The following SETD3 variants were observed in gnomAD, a reference collection of about 807,000 sequenced individuals.
The protein encoded by SETD3 is SET domain containing 3, actin N3(tau)-histidine methyltransferase, also known as actin-histidine N-methyltransferase.
SETD3 carries 19 observed loss-of-function variants against 63.0 expected under a neutral mutation model. The observed-to-expected ratio is 0.30, with a 90% CI of 0.21 to 0.44. The LOEUF (loss-of-function observed/expected upper bound fraction) is 0.44, where lower values mean the gene tolerates loss of function less well. Ranked by LOEUF, SETD3 falls within the 20% of genes least tolerant of loss-of-function variation. SETD3 has a pLI of 1.00. For synonymous variants in SETD3, 286 were observed against 264.1 expected (o/e 1.08, Z -0.80); for missense variants, 587 against 728.5 (o/e 0.81, Z 2.24).
At chr14:99,430,634 G>C (rs1244973243) in intron 6 of SETD3, among the ~76,000 whole-genome samples, 1 of 152,200 alleles carries the variant, frequency 6.6e-6, no homozygotes, top group African/African-American at 2.4e-5. Context: ...TAGCCAGGAA[G>C]GGAGTTTGCT....
At chr14:99,460,931 T>C (rs1209513824) in intron 4 of SETD3, among the ~76,000 whole-genome samples, 2 of 152,204 alleles carry the variant, frequency 1.3e-5, no homozygotes, top group African/African-American at 4.8e-5. Context: ...CTGTGAGGCA[T>C]GTTCTATGGT....
intron 11 of SETD3, among the ~76,000 whole-genome samples, chr14:99,403,065 C>T (rs899553910): frequency 6.6e-6 from 1 of 152,156 alleles, no homozygotes; most frequent in Non-Finnish European, 1.5e-5. Flanking sequence ...CTTGAATAAC[C>T]GTAAATCTAG....
Position 99,406,487 on chromosome 14 carries a change from C to A in SETD3, c.924+29G>T, listed in dbSNP as rs748889371. On this transcript the variant is annotated intron_variant, in intron 9 of 12. Coordinates refer to ENST00000331768, the MANE Select transcript of SETD3 (RefSeq NM_032233.3). Reference sequence around the variant, plus strand: ...TAACGTTAGTGCCCACTGGCTGGCTCACATTTTGTGAGATGCCACGAGACC... The same window carrying A: ...TAACGTTAGTGCCCACTGGCTGGCTAACATTTTGTGAGATGCCACGAGACC... 7.5e-6 allele frequency: 12 copies of A among 1,610,266 alleles called. No homozygotes were observed. In the African/African-American group the frequency reaches 1.6e-4, roughly 22 times the overall value.
chr14:99,398,816 T>C lies in SETD3; in HGVS notation c.1648A>G (p.Asn550Asp). The C allele has an allele frequency of 6.2e-7, 1 of 1,614,210 alleles. No homozygotes were observed. Residue 550 changes from asparagine (N) to aspartate (D), a missense_variant, in exon 13 of 13, where the codon AAC becomes GAC. Asn to Asp is a conservative substitution (Grantham distance 23, BLOSUM62 1). Coordinates refer to ENST00000331768, the MANE Select transcript of SETD3 (RefSeq NM_032233.3). ...GAGTTTTCACCGTTTACAAGCCCGTTTTCTGTGGCCTTTGCTTTGCTGATT... is the reference window on the plus strand; with the variant it reads ...GAGTTTTCACCGTTTACAAGCCCGTCTTCTGTGGCCTTTGCTTTGCTGATT... ...EAISKAKATE[N>D]GLVNGENSIP...
At chr14:99,421,321 ATTGT>A (rs1043132788) in intron 6 of SETD3, among the ~76,000 whole-genome samples, 6 of 152,032 alleles carry the variant, frequency 3.9e-5, no homozygotes, top group Admixed American at 2.0e-4. Flanking sequence ...TTCATAATAT[ATTGT>A]TTTAGTTTTA....
chr14:99,460,783 AC>A (rs1398706531), intron 4 of SETD3, among the ~76,000 whole-genome samples: 1 of 152,094 alleles, frequency 6.6e-6, no homozygotes, highest in Non-Finnish European at 1.5e-5. Flanking sequence ...AGCTCCTAGT[AC>A]CTTCAGCCTC....
intron 1 of SETD3, among the ~76,000 whole-genome samples, chr14:99,477,258 T>C (rs960523294): frequency 6.6e-6 from 1 of 152,252 alleles, no homozygotes; most frequent in African/African-American, 2.4e-5. Context: ...TTTTCTTCCA[T>C]TCAAATTTAT....
chr14:99,480,676 G>T (rs1896256453), intron 1 of SETD3, 52 bp downstream of exon 1: 1 of 150,596 alleles, frequency 6.6e-6, no homozygotes, highest in Non-Finnish European at 1.5e-5. Flanking sequence ...GAGACGCGGC[G>T]CGAGTTTCCC....
chr14:99,415,693 A>T (rs1243819956), intron 6 of SETD3, among the ~76,000 whole-genome samples: 1 of 152,218 alleles, frequency 6.6e-6, no homozygotes, highest in Non-Finnish European at 1.5e-5. Context: ...TATTTGCAGA[A>T]TCTGTTAGAA....
At chr14:99,466,508 G>C (rs1190389177) in intron 1 of SETD3, among the ~76,000 whole-genome samples, 2 of 152,206 alleles carry the variant, frequency 1.3e-5, no homozygotes, top group Non-Finnish European at 2.9e-5. Context: ...ATGTGGTATA[G>C]GACACGCCAT....
At chr14:99,420,697 T>C (rs1051486740) in intron 6 of SETD3, among the ~76,000 whole-genome samples, 8 of 152,020 alleles carry the variant, frequency 5.3e-5, no homozygotes, top group African/African-American at 9.7e-5. Flanking sequence ...CTCATTTTTT[T>C]CCCCAAATCT....
At chr14:99,410,355 T>C in intron 8 of SETD3, 1 of 1,214,318 alleles carries the variant, frequency 8.2e-7, no homozygotes, top group Non-Finnish European at 1.1e-6. Context: ...TATAAATGTT[T>C]TAGATTTTTT....
intron 6 of SETD3, among the ~76,000 whole-genome samples, chr14:99,422,666 C>A (rs571429374): frequency 2.6e-5 from 4 of 152,290 alleles, no homozygotes; most frequent in African/African-American, 9.6e-5. Context: ...CAGCCACATT[C>A]TCAAAGAGCA....
At chr14:99,478,322 G>A (rs1896078030) in intron 1 of SETD3, among the ~76,000 whole-genome samples, 1 of 152,166 alleles carries the variant, frequency 6.6e-6, no homozygotes, top group African/African-American at 2.4e-5. Flanking sequence ...CGGTCCAAGG[G>A]AAAGAAACAC....
At chr14:99,426,872 C>T (rs1284243786) in intron 6 of SETD3, among the ~76,000 whole-genome samples, 2 of 152,198 alleles carry the variant, frequency 1.3e-5, no homozygotes, top group Non-Finnish European at 2.9e-5. Context: ...TGTCCACTTA[C>T]ACCTCGCTCG....
At chr14:99,455,203 C>T (rs1346046785) in intron 6 of SETD3, among the ~76,000 whole-genome samples, 2 of 152,340 alleles carry the variant, frequency 1.3e-5, no homozygotes, top group African/African-American at 4.8e-5. Flanking sequence ...CAGGAATACC[C>T]GGCCCAGGGG....
intron 2 of SETD3, among the ~76,000 whole-genome samples, chr14:99,464,712 C>T (rs1424543857): frequency 6.6e-6 from 1 of 152,226 alleles, no homozygotes; most frequent in Non-Finnish European, 1.5e-5. Context: ...CAGCTACAGC[C>T]AAGGCACTAA....
intron 6 of SETD3, 26 bp downstream of exon 6, chr14:99,458,253 T>G (rs765834040): frequency 1.3e-6 from 2 of 1,599,592 alleles, no homozygotes; most frequent in East Asian, 2.2e-5. Flanking sequence ...GTGAAATATA[T>G]ACTTAAATTG....
At chr14:99,451,783 A>C (rs975544466) in intron 6 of SETD3, among the ~76,000 whole-genome samples, 5 of 152,158 alleles carry the variant, frequency 3.3e-5, no homozygotes, top group African/African-American at 1.2e-4. Context: ...CTGGGATTAC[A>C]GGCATGAGCC....
Sources: gnomAD v4.1 joint callset for allele counts (sites outside exome capture counted in the v4.1 genomes callset) on GRCh38, gnomAD v4.1.1 for gene constraint, MANE v1.5 for transcripts, NCBI Gene and HGNC (gene_info 2026-07-23, HGNC 2026-07-21) for gene names.